POGLUT1: variants seen among roughly 807,000 people sequenced by gnomAD.
The protein encoded by POGLUT1 is protein O-glucosyltransferase 1.
In POGLUT1, 32 loss-of-function variants were observed where a neutral mutation model predicts 61.3. The observed-to-expected ratio is 0.52, with a 90% CI of 0.39 to 0.70. The LOEUF (loss-of-function observed/expected upper bound fraction) is 0.70. Among genes scored for constraint, POGLUT1 ranks in the 30% least tolerant of loss-of-function variants. The pLI is 0.00. For missense variants in POGLUT1, 411 were observed against 469.8 expected (o/e 0.87, Z 1.16); for synonymous variants, 158 against 158.2 (o/e 1.00, Z 0.01).
At chr3:119,487,963 C>T (rs2081689415) in intron 7 of POGLUT1, 1 of 152,206 alleles carries the variant, frequency 6.6e-6, no homozygotes, top group Non-Finnish European at 1.5e-5. Flanking sequence ...TTACAGTCCA[C>T]TCTCTCCTCT....
intron 3 of POGLUT1, among the ~76,000 whole-genome samples, chr3:119,473,102 C>G (rs1389270264): frequency 2.6e-5 from 4 of 152,162 alleles, no homozygotes; most frequent in Admixed American, 2.0e-4. Flanking sequence ...CTGAGGAAAT[C>G]AGTTACCCTT....
chr3:119,481,895 G>A (rs2107711999), intron 5 of POGLUT1, among the ~76,000 whole-genome samples: 1 of 152,022 alleles, frequency 6.6e-6, no homozygotes, highest in South Asian at 2.1e-4. Context: ...AATTTTGAGA[G>A]GGGGGGAAAA....
intron 5 of POGLUT1, among the ~76,000 whole-genome samples, chr3:119,482,048 G>A (rs187249497): frequency 8.5e-4 from 130 of 152,196 alleles, no homozygotes; most frequent in Admixed American, 2.0e-3. Flanking sequence ...TTACAGGCAT[G>A]AGCCACCACA....
At chr3:119,470,368 A>G (rs1337464481) in intron 2 of POGLUT1, among the ~76,000 whole-genome samples, 1 of 152,086 alleles carries the variant, frequency 6.6e-6, no homozygotes, top group Non-Finnish European at 1.5e-5. Context: ...CTGAGGTCAG[A>G]ATTTCGAGAC....
chr3:119,477,178 A>C, intron 3 of POGLUT1, 135 bp from the exon 4 acceptor site: 1 of 819,398 alleles, frequency 1.2e-6, no homozygotes, highest in Non-Finnish European at 2.0e-6. Context: ...TGTTTTCAGG[A>C]GACTTTGCAG....
intron 4 of POGLUT1, among the ~76,000 whole-genome samples, chr3:119,479,091 TA>T (rs2081576991): frequency 6.6e-6 from 1 of 151,880 alleles, no homozygotes; most frequent in African/African-American, 2.4e-5. Context: ...GCCCGGCTAT[TA>T]TTTTGTGTGT....
intron 7 of POGLUT1, 78 bp from the exon 8 acceptor site, chr3:119,488,851 G>C (rs1472264607): frequency 1.3e-6 from 1 of 754,430 alleles, no homozygotes; most frequent in Non-Finnish European, 2.4e-6. Context: ...TTGATGAAAT[G>C]TTTAACAATG....
intron 6 of POGLUT1, 151 bp from the exon 7 acceptor site, chr3:119,486,682 A>T (rs756270987): frequency 5.8e-6 from 4 of 692,530 alleles, no homozygotes; most frequent in Non-Finnish European, 1.0e-5. Context: ...TGCAGTACCC[A>T]GTATACCCCT....
At chr3:119,490,869 A>G (rs2107718266) in intron 9 of POGLUT1, 151 bp downstream of exon 9, 1 of 640,410 alleles carries the variant, frequency 1.6e-6, no homozygotes, top group Middle Eastern at 3.2e-4. Flanking sequence ...TTGCATATAT[A>G]GTATTGCATT....
chr3:119,477,755 G>A (rs2081556036), intron 4 of POGLUT1, among the ~76,000 whole-genome samples: 1 of 152,198 alleles, frequency 6.6e-6, no homozygotes, highest in South Asian at 2.1e-4. Context: ...ACAGAGCATG[G>A]GAGGAAGGGG....
chr3:119,469,155 C>G (rs770333513), intron 1 of POGLUT1, 49 bp downstream of exon 1: 3 of 1,440,782 alleles, frequency 2.1e-6, no homozygotes, highest in Non-Finnish European at 2.9e-6. Flanking sequence ...GGGGTCTGGC[C>G]GGAGTCCCGA....
chr3:119,471,209 A>G, intron 2 of POGLUT1, 100 bp from the exon 3 acceptor site: 1 of 1,005,040 alleles, frequency 9.9e-7, no homozygotes. Context: ...CCTTCCACTT[A>G]CTGTGTTCTC....
At chr3:119,474,564 G>C (rs910704495) in intron 3 of POGLUT1, among the ~76,000 whole-genome samples, 5 of 152,100 alleles carry the variant, frequency 3.3e-5, no homozygotes, top group African/African-American at 1.2e-4. Context: ...GGCCGGGCAT[G>C]GTGGATCACA....
intron 5 of POGLUT1, among the ~76,000 whole-genome samples, chr3:119,483,943 T>G (rs1347097376): frequency 6.6e-6 from 1 of 152,258 alleles, no homozygotes; most frequent in Non-Finnish European, 1.5e-5. Flanking sequence ...TTGTTACCTC[T>G]GGACAGGGAG....
At position 119,492,301 on chromosome 3, in the gene POGLUT1, A is replaced by C. The variant is rs1440771819; in HGVS notation, c.1042A>C (p.Asn348His). ...IAERGSQFIRNHLQMDDITCY... is the reference protein window; with the variant it reads ...IAERGSQFIRHHLQMDDITCY... ...CTCTAGGGGAAGCCAGTTTATTAGGAACCATTTGCAGATGGATGACATCAC... is the reference window on the plus strand; with the variant it reads ...CTCTAGGGGAAGCCAGTTTATTAGGCACCATTTGCAGATGGATGACATCAC... Residue 348 changes from asparagine (N) to histidine (H), a missense_variant, in exon 11 of 11, where the codon AAC becomes CAC. Transcript: ENST00000295588. 8.7e-6 allele frequency: 14 copies of C among 1,605,480 alleles called. No homozygotes were observed. Among genetic ancestry groups the C allele is most frequent in the Non-Finnish European group, 1.2e-5 (14 of 1,176,480 alleles).
At chr3:119,469,299 G>A (rs979590084) in intron 1 of POGLUT1, 193 bp downstream of exon 1, 2 of 595,630 alleles carry the variant, frequency 3.4e-6, no homozygotes, top group African/African-American at 3.8e-5. Flanking sequence ...GGACCCTGGA[G>A]AGTAACCCAT....
chr3:119,476,604 A>G (rs1328207643), intron 3 of POGLUT1, among the ~76,000 whole-genome samples: 1 of 152,298 alleles, frequency 6.6e-6, no homozygotes, highest in Non-Finnish European at 1.5e-5. Flanking sequence ...AATTTTGATC[A>G]AGCCTTTGAA....
intron 5 of POGLUT1, 71 bp downstream of exon 5, chr3:119,480,243 A>G: frequency 7.8e-7 from 1 of 1,274,088 alleles, no homozygotes. Flanking sequence ...GAATATAACC[A>G]ATTATTTACT....
chr3:119,489,236 C>G (rs1458464161), intron 8 of POGLUT1: 1 of 318,738 alleles, frequency 3.1e-6, no homozygotes, highest in African/African-American at 2.1e-5. Context: ...AATGGAATTA[C>G]CTCTCCATAT....
Sources: allele counts gnomAD v4.1 joint callset (sites outside exome capture counted in the v4.1 genomes callset), GRCh38; gene constraint gnomAD v4.1.1; transcripts MANE v1.5; gene names NCBI Gene and HGNC (gene_info 2026-07-23, HGNC 2026-07-21).